AGAP1: variants seen among roughly 807,000 people sequenced by gnomAD.
AGAP1 encodes ArfGAP with GTPase domain, ankyrin repeat and PH domain 1.
A neutral mutation model predicts 105.3 loss-of-function variants in AGAP1; 29 were observed. The ratio of observed to expected loss-of-function variants is 0.28; its 90% CI spans 0.21 to 0.38. The LOEUF (loss-of-function observed/expected upper bound fraction) is 0.38. Among genes scored for constraint, AGAP1 ranks in the 10% least tolerant of loss-of-function variants. The pLI, the probability that AGAP1 is intolerant of heterozygous loss-of-function variation, is 1.00. For synonymous variants in AGAP1, 509 were observed against 485.9 expected (o/e 1.05, Z -0.63); for missense variants, 998 against 1,165.1 (o/e 0.86, Z 2.09).
rs1944602530 is a variant in AGAP1, at chr2:235,573,031, TTCTTCTTCTTCTTCTTCTTC to T, written c.163+78184_163+78203del. ...CTTCTTCTTCTTCTTCTTCTTCTTC[TTCTTCTTCTTCTTCTTCTTC>T]TTCTTCTTCTTTCTTCTTTCTTCTT... On this transcript the variant is annotated intron_variant, in intron 1 of 17. Coordinates refer to ENST00000304032, the MANE Select transcript of AGAP1 (RefSeq NM_001037131.3). 7.8e-5 allele frequency among the ~76,000 whole-genome samples: 3 copies of T among 38,226 alleles called. 1 individual carries two copies. The highest frequency in any genetic ancestry group is 1.4e-4 in the Non-Finnish European group (3 of 21,618). 25.1% of individuals were successfully genotyped at this position (38,226 alleles called of 152,430 possible). A position where few individuals can be genotyped will look rare whatever the true frequency, so the allele number is the denominator to read the frequency against.
intron 1 of AGAP1, among the ~76,000 whole-genome samples, chr2:235,654,481 T>G (rs983166682): frequency 5.9e-5 from 9 of 152,252 alleles, no homozygotes; most frequent in African/African-American, 2.2e-4. Flanking sequence ...CGCCACTGAT[T>G]GAATGATGAC....
At chr2:235,902,250 A>G (rs376000219) in intron 10 of AGAP1, among the ~76,000 whole-genome samples, 1 of 152,182 alleles carries the variant, frequency 6.6e-6, no homozygotes, top group Non-Finnish European at 1.5e-5. Flanking sequence ...TTCAACCCTC[A>G]TTTCAGATAA....
At chr2:235,583,871 C>CT (rs1258093176) in intron 1 of AGAP1, among the ~76,000 whole-genome samples, 1 of 95,562 alleles carries the variant, frequency 1.0e-5, no homozygotes, top group Non-Finnish European at 2.0e-5. Context: ...GAGATCATGT[C>CT]TTAAAAAAAA....
rs2051277884 is a variant in AGAP1 at position 235,905,811 on chromosome 2, C to T, written c.1156-2927C>T. On this transcript the variant is annotated intron_variant, in intron 10 of 17. Transcript: ENST00000304032. The surrounding 1 kb of genome is among the most constrained non-coding windows in gnomAD (Gnocchi z 4.2). Reference sequence around the variant, plus strand: ...ACCGCGCCCCGCCTGATGTGCTTTTCATTTGTCACCCTCAACACAGCGCAG... The same window carrying T: ...ACCGCGCCCCGCCTGATGTGCTTTTTATTTGTCACCCTCAACACAGCGCAG... 6.6e-6 allele frequency among the ~76,000 whole-genome samples: 1 copy of T among 152,212 alleles called. No individual in the cohort carries two copies. The highest frequency in any genetic ancestry group is 2.1e-4 in the South Asian group (1 of 4,834).
chr2:235,568,238 C>T (rs74380833), intron 1 of AGAP1, among the ~76,000 whole-genome samples: 3,782 of 152,232 alleles, frequency 0.025, 157 homozygotes, highest in African/African-American at 0.087. Context: ...GGTGATGCCC[C>T]GCCAGCTAAC....
intron 11 of AGAP1, among the ~76,000 whole-genome samples, chr2:235,918,367 G>A (rs2052004950): frequency 6.6e-6 from 1 of 152,162 alleles, no homozygotes; most frequent in African/African-American, 2.4e-5. Context: ...TGGTTTTAAT[G>A]TCTATTTGAC....
intron 2 of AGAP1, among the ~76,000 whole-genome samples, chr2:235,711,470 C>T (rs1950850604): frequency 6.6e-6 from 1 of 152,226 alleles, no homozygotes; most frequent in South Asian, 2.1e-4. Flanking sequence ...CTGTAGGAGA[C>T]AGTTGCGTTT....
At chr2:235,811,386 CAATTGAAAGCGT>C (rs1264129640) in intron 9 of AGAP1, among the ~76,000 whole-genome samples, 5 of 152,208 alleles carry the variant, frequency 3.3e-5, no homozygotes, top group Non-Finnish European at 5.9e-5. Flanking sequence ...CGTGCTTACG[CAATTGAAAGCGT>C]ATCATTTTTA....
intron 5 of AGAP1, among the ~76,000 whole-genome samples, chr2:235,746,634 T>G (rs1952976243): frequency 1.3e-5 from 2 of 152,008 alleles, no homozygotes; most frequent in South Asian, 4.1e-4. Flanking sequence ...AAGTGGATGC[T>G]CATCCACAGC....
chr2:235,745,161 T>C (rs540749730), intron 5 of AGAP1, among the ~76,000 whole-genome samples: 14 of 152,146 alleles, frequency 9.2e-5, no homozygotes, highest in Non-Finnish European at 1.9e-4. Context: ...GTCAAATACA[T>C]ATATATATTT....
At chr2:235,502,867 C>T (rs1051968897) in intron 1 of AGAP1, among the ~76,000 whole-genome samples, 14 of 152,002 alleles carry the variant, frequency 9.2e-5, no homozygotes, top group African/African-American at 3.1e-4. Flanking sequence ...CAGCTTAGGA[C>T]GAAGCTACTG....
At chr2:235,709,798 A>G (rs1575192074) in intron 2 of AGAP1, among the ~76,000 whole-genome samples, 1 of 152,346 alleles carries the variant, frequency 6.6e-6, no homozygotes, top group Non-Finnish European at 1.5e-5. Context: ...TGGCACGTGT[A>G]AAAAGTGGTC....
Position 235,633,333 on chromosome 2 carries a change from C to A in AGAP1, c.164-75846C>A, listed in dbSNP as rs1218896728. On this transcript the variant is annotated intron_variant, in intron 1 of 17. Coordinates refer to ENST00000304032, the MANE Select transcript of AGAP1 (RefSeq NM_001037131.3). The surrounding 1 kb of genome is among the most constrained non-coding windows in gnomAD (Gnocchi z 4.8). ...AGCGGGCCGGGCGTGGTGGCTCATG[C>A]CTGTAATCCTAGCACTTTGGGAGGC... is the stretch of plus-strand genomic sequence containing the variant. 1.3e-5 allele frequency among the ~76,000 whole-genome samples: 2 copies of A among 152,090 alleles called. No homozygotes were observed. Among genetic ancestry groups the A allele is most frequent in the Non-Finnish European group, 2.9e-5 (2 of 68,022 alleles).
intron 1 of AGAP1, among the ~76,000 whole-genome samples, chr2:235,646,874 G>A (rs758970668): frequency 2.6e-5 from 4 of 152,170 alleles, no homozygotes; most frequent in Non-Finnish European, 4.4e-5. Context: ...GGTGGCTCAC[G>A]CCTGTAATCT....
At chr2:235,837,306 G>C (rs1298557176) in intron 9 of AGAP1, among the ~76,000 whole-genome samples, 1 of 152,070 alleles carries the variant, frequency 6.6e-6, no homozygotes, top group Non-Finnish European at 1.5e-5. Flanking sequence ...TTTTTTGAAA[G>C]GTTTAGGCTA....
chr2:235,670,103 T>C lies in AGAP1; in HGVS notation c.164-39076T>C, dbSNP rs767116912. ...GGGGCCCCAGCGCGCGGGCGACATG[T>C]ACTTGTTGGACGGCAGTGGCGAGCC... On this transcript the variant is annotated intron_variant, in intron 1 of 17. Coordinates refer to ENST00000304032, the MANE Select transcript of AGAP1 (RefSeq NM_001037131.3). 13 of 514,622 alleles carry C rather than the reference T, an allele frequency of 2.5e-5. No individual in the cohort carries two copies. The South Asian group carries it at 3.0e-4, about 12-fold the overall frequency. 31.9% of individuals were successfully genotyped at this position (514,622 alleles called of 1,614,324 possible).
chr2:236,054,063 C>T (rs972423611), intron 16 of AGAP1, among the ~76,000 whole-genome samples: 5 of 152,118 alleles, frequency 3.3e-5, no homozygotes, highest in Admixed American at 1.3e-4. Flanking sequence ...AGAGACTGGC[C>T]GTACACTTCC....
In AGAP1 at chr2:235,750,544, C is replaced by T; in HGVS notation, c.673+56C>T. The T allele has an allele frequency of 6.2e-7, 1 of 1,609,018 alleles. No individual in the cohort carries two copies. The highest frequency in any genetic ancestry group is 8.5e-7 in the Non-Finnish European group (1 of 1,176,256). ...AGTTCATGATAGACGGGAGGCACTT[C>T]AAGAAGTCAGTCCTGCCTGCACTTG... On this transcript the variant is annotated intron_variant, in intron 6 of 17. Coordinates refer to ENST00000304032, the MANE Select transcript of AGAP1 (RefSeq NM_001037131.3). This position sits in a 1 kb window ranked among gnomAD's most constrained non-coding sequence, Gnocchi z 5.3.
At chr2:235,813,573 G>A (rs762522962) in intron 9 of AGAP1, among the ~76,000 whole-genome samples, 3 of 152,230 alleles carry the variant, frequency 2.0e-5, no homozygotes, top group Non-Finnish European at 4.4e-5. Flanking sequence ...AGGGGGGCGG[G>A]CAGGCAGTCA....
Sources: allele counts gnomAD v4.1 joint callset (sites outside exome capture counted in the v4.1 genomes callset), GRCh38; gene constraint gnomAD v4.1.1; non-coding constraint Gnocchi (gnomAD v3.1); transcripts MANE v1.5; gene names NCBI Gene and HGNC (gene_info 2026-07-23, HGNC 2026-07-21).